SH3KBP1: variants seen among roughly 807,000 people sequenced by gnomAD.
The protein encoded by SH3KBP1 is SH3 domain-containing kinase-binding protein 1.
A neutral mutation model predicts 50.1 loss-of-function variants in SH3KBP1; 8 were observed. The ratio of observed to expected loss-of-function variants is 0.16; its 90% confidence interval spans 0.09 to 0.29. The LOEUF is 0.29. Ranked by LOEUF, SH3KBP1 falls within the 10% of genes least tolerant of loss-of-function variation. The pLI is 1.00. For synonymous variants in SH3KBP1, 227 were observed against 218.6 expected (o/e 1.04, Z -0.34); for missense variants, 377 against 535.2 (o/e 0.70, Z 2.92).
At chrX:19,751,225 C>A (rs751834765) in intron 2 of SH3KBP1, among the ~76,000 whole-genome samples, 43 of 112,410 alleles carry the variant, frequency 3.8e-4, no homozygotes, top group Admixed American at 6.6e-4. Flanking sequence ...ACTAGAGCAA[C>A]TCCTGCCTCT....
At chrX:19,833,448 AG>A (rs1366459659) in intron 2 of SH3KBP1, among the ~76,000 whole-genome samples, 1 of 100,200 alleles carries the variant, frequency 1.0e-5, no homozygotes, top group Non-Finnish European at 2.0e-5. Flanking sequence ...CCCTTCCCAC[AG>A]TCCTCCTTCC....
chrX:19,799,058 A>G (rs926639798), intron 2 of SH3KBP1, among the ~76,000 whole-genome samples: 1 of 111,317 alleles, frequency 9.0e-6, no homozygotes, highest in Admixed American at 9.5e-5. Context: ...ACAGACCCCA[A>G]GCTGACTTTC....
chrX:19,682,537 T>G (rs2063080123), intron 6 of SH3KBP1, among the ~76,000 whole-genome samples: 1 of 111,179 alleles, frequency 9.0e-6, no homozygotes, highest in Admixed American at 9.6e-5. Context: ...GACTTGCTCT[T>G]TTGTAAATGT....
At chrX:19,557,422 A>G (rs1256008627) in intron 13 of SH3KBP1, among the ~76,000 whole-genome samples, 2 of 111,940 alleles carry the variant, frequency 1.8e-5, no homozygotes, top group African/African-American at 3.3e-5. Context: ...CATTAATTCA[A>G]TCAAACATTT....
chrX:19,831,684 G>A (rs961100279), intron 2 of SH3KBP1, among the ~76,000 whole-genome samples: 3 of 103,501 alleles, frequency 2.9e-5, no homozygotes, highest in East Asian at 3.0e-4. Context: ...ACAGCTACTC[G>A]GGAGGCTGAG....
intron 14 of SH3KBP1, 128 bp downstream of exon 14, chrX:19,549,846 T>C (rs1431903690): frequency 1.0e-5 from 5 of 480,302 alleles, no homozygotes; most frequent in Non-Finnish European, 1.8e-5. Context: ...GTGTATCTCA[T>C]GGCCTCCCTC....
chrX:19,767,169 T>G (rs988642095), intron 2 of SH3KBP1, among the ~76,000 whole-genome samples: 15 of 112,219 alleles, frequency 1.3e-4, no homozygotes, highest in Non-Finnish European at 2.4e-4. Flanking sequence ...CAGGTGTGGC[T>G]AAGGGTACTG....
chrX:19,799,499 G>T (rs2066830180), intron 2 of SH3KBP1: 1 of 607,946 alleles, frequency 1.6e-6, no homozygotes, highest in Non-Finnish European at 2.7e-6. Context: ...AACAGTGTTG[G>T]TCACCATCTT....
intron 2 of SH3KBP1, among the ~76,000 whole-genome samples, chrX:19,832,360 T>C (rs1179961784): frequency 8.9e-6 from 1 of 111,892 alleles, no homozygotes; most frequent in Non-Finnish European, 1.9e-5. Flanking sequence ...GGTTTAATCC[T>C]CTGAACAGGC....
intron 5 of SH3KBP1, among the ~76,000 whole-genome samples, chrX:19,687,355 C>T (rs1264711797): frequency 1.8e-5 from 2 of 112,485 alleles, no homozygotes; most frequent in Admixed American, 9.4e-5. Flanking sequence ...TTTGTTTGCA[C>T]GTATGGCTCA....
chrX:19,835,038 C>CA (rs1252835765), intron 2 of SH3KBP1, among the ~76,000 whole-genome samples: 644 of 42,197 alleles, frequency 0.015, 2 homozygotes, highest in African/African-American at 0.027. Context: ...AAGACTGTCT[C>CA]AAAAAAAAAA....
intron 6 of SH3KBP1, among the ~76,000 whole-genome samples, chrX:19,660,960 T>C (rs1569395902): frequency 8.9e-6 from 1 of 112,470 alleles, no homozygotes; most frequent in South Asian, 3.6e-4. Flanking sequence ...CTAGTGGAAA[T>C]AGCTGCCAGA....
At chrX:19,882,898 G>A (rs1055237167) in intron 1 of SH3KBP1, among the ~76,000 whole-genome samples, 18 of 111,927 alleles carry the variant, frequency 1.6e-4, no homozygotes, top group Admixed American at 2.8e-4. Flanking sequence ...GACTGGATTC[G>A]TGGAAGAATC....
chrX:19,648,087 A>G, intron 6 of SH3KBP1: 1 of 374,339 alleles, frequency 2.7e-6, no homozygotes, highest in Non-Finnish European at 5.2e-6. Flanking sequence ...CCCACCAAAC[A>G]CATCTGCCTT....
intron 6 of SH3KBP1, among the ~76,000 whole-genome samples, chrX:19,669,325 A>AATAATAATAATAATT (rs780980302): frequency 7.8e-5 from 8 of 102,553 alleles, no homozygotes; most frequent in African/African-American, 2.9e-4. Context: ...TAATAATAAT[A>AATAATAATAATAATT]ATTATTATTA....
chrX:19,853,160 G>C (rs1321101337), intron 1 of SH3KBP1, among the ~76,000 whole-genome samples: 4 of 112,588 alleles, frequency 3.6e-5, no homozygotes, highest in Non-Finnish European at 7.5e-5. Context: ...GTGTGCACGT[G>C]TGTGTGTGTG....
At chrX:19,835,631 T>C (rs1363253444) in intron 2 of SH3KBP1, among the ~76,000 whole-genome samples, 2 of 106,831 alleles carry the variant, frequency 1.9e-5, no homozygotes, top group Non-Finnish European at 3.9e-5. Flanking sequence ...CAGGCTGGAG[T>C]GCAGTGGCGC....
At chrX:19,631,002 A>G (rs2061562473) in intron 8 of SH3KBP1, among the ~76,000 whole-genome samples, 1 of 110,918 alleles carries the variant, frequency 9.0e-6, no homozygotes, top group Non-Finnish European at 1.9e-5. Flanking sequence ...TGCATCCTCC[A>G]CCCTGCCAAG....
chrX:19,731,056 C>T (rs746103735), intron 3 of SH3KBP1, among the ~76,000 whole-genome samples: 41 of 111,760 alleles, frequency 3.7e-4, no homozygotes, highest in African/African-American at 1.3e-3. Context: ...TCTCCTGCCT[C>T]AGCCTCCCGA....
Sources: allele counts gnomAD v4.1 joint callset (sites outside exome capture counted in the v4.1 genomes callset), GRCh38; gene constraint gnomAD v4.1.1; transcripts MANE v1.5; gene names NCBI Gene and HGNC (gene_info 2026-07-23, HGNC 2026-07-21).